INO80D: variants seen among roughly 807,000 people sequenced by gnomAD.
INO80D encodes the protein INO80 complex subunit D.
Under a neutral mutation model 87.6 loss-of-function variants are expected in INO80D, and 21 were observed. The observed-to-expected ratio is 0.24, with a 90% CI of 0.17 to 0.35. The LOEUF (loss-of-function observed/expected upper bound fraction) is 0.35, where lower values mean the gene tolerates loss of function less well. Ranked by LOEUF, INO80D falls within the 10% of genes least tolerant of loss-of-function variation. The pLI, the probability that INO80D is intolerant of heterozygous loss-of-function variation, is 1.00. For synonymous variants in INO80D, 440 were observed against 491.0 expected (o/e 0.90, Z 1.37); for missense variants, 982 against 1,280.7 (o/e 0.77, Z 3.56).
At chr2:206,070,537 G>A (rs956415951) in intron 1 of INO80D, among the ~76,000 whole-genome samples, 2 of 151,992 alleles carry the variant, frequency 1.3e-5, no homozygotes, top group Non-Finnish European at 2.9e-5. Context: ...TGACTAACAC[G>A]GTGAAACCCT....
chr2:206,049,949 T>C (rs1689305320), intron 4 of INO80D, among the ~76,000 whole-genome samples: 1 of 151,554 alleles, frequency 6.6e-6, no homozygotes, highest in South Asian at 2.1e-4. Flanking sequence ...CTGGCCAACG[T>C]GGTGAAACCC....
intron 1 of INO80D, among the ~76,000 whole-genome samples, chr2:206,082,246 C>T (rs1336043018): frequency 6.6e-6 from 1 of 152,174 alleles, no homozygotes; most frequent in East Asian, 1.9e-4. Context: ...TCTCGAACTC[C>T]GGACCTCAGG....
Position 205,998,246 on chromosome 2 carries a change from T to G in INO80D, c.*6122A>C, listed in dbSNP as rs2105783863. ...CCCTGTAACTAAGCTTCTAGCCATC[T>G]TAAGTGTAAACCACAGATCATTTAC... On this transcript the variant is annotated 3_prime_UTR_variant, in exon 11 of 11. Coordinates refer to ENST00000403263, the MANE Select transcript of INO80D (RefSeq NM_017759.5). The G allele has an allele frequency of 6.6e-6, 1 of 152,306 alleles. No homozygotes were observed. Among genetic ancestry groups the G allele is most frequent in the African/African-American group, 2.4e-5 (1 of 41,578 alleles). 9.4% of individuals were successfully genotyped at this position (152,306 alleles called of 1,614,324 possible).
At position 206,002,142 on chromosome 2, in the gene INO80D, G is replaced by A. The variant is rs1687918227; in HGVS notation, c.*2226C>T. 1 of 152,132 alleles carries A rather than the reference G, an allele frequency of 6.6e-6. No homozygotes were observed. Among genetic ancestry groups the A allele is most frequent in the Non-Finnish European group, 1.5e-5 (1 of 68,034 alleles). 9.4% of individuals were successfully genotyped at this position (152,132 alleles called of 1,614,324 possible). ...TGCGACAACCTTTAAATACACAATG[G>A]AGACTAAACTGAACTGCTGGGAATG... On this transcript the variant is annotated 3_prime_UTR_variant, in exon 11 of 11. Transcript: ENST00000403263.
In INO80D at chr2:206,004,738, T is replaced by C. The variant is rs1687977608; in HGVS notation, c.2714A>G (p.Asn905Ser). 6.2e-7 allele frequency: 1 copy of C among 1,613,206 alleles called. No homozygotes were observed. Among genetic ancestry groups the C allele is most frequent in the Admixed American group, 1.7e-5 (1 of 59,950 alleles). The change falls in exon 11 of 11, where the codon AAC (asparagine) becomes AGC (serine). Residue 905 changes from asparagine to serine, a missense_variant. Physicochemically the swap from Asn to Ser is conservative, Grantham distance 46. Transcript: ENST00000403263. The surrounding 1 kb of genome is among the most constrained non-coding windows in gnomAD (Gnocchi z 4.9). ...VNLGDPSPFS[N>S]LLGADGHLLS... The stretch of plus-strand genomic sequence containing the variant: ...AAGATGTCCATCTGCGCCGAGAAGG[T>C]TGCTAAATGGAGAGGGGTCTCCAAG...
At chr2:206,041,268 T>C (rs1179797919) in intron 5 of INO80D, among the ~76,000 whole-genome samples, 1 of 152,158 alleles carries the variant, frequency 6.6e-6, no homozygotes, top group East Asian at 1.9e-4. Context: ...AAAGCAGAGA[T>C]TGTCAGAAGA....
At position 206,005,450 on chromosome 2, in the gene INO80D, G is replaced by A. The variant is rs1687999726; in HGVS notation, c.2002C>T (p.Leu668=). The A allele has an allele frequency of 1.2e-6, 2 of 1,613,818 alleles. No individual in the cohort carries two copies. Among genetic ancestry groups the A allele is most frequent in the Non-Finnish European group, 1.7e-6 (2 of 1,179,890 alleles). ...ALQAVTSLEC[L]STIGVLAQSD... is the part of the protein sequence containing the mutation. The stretch of plus-strand genomic sequence containing the variant: ...TGGGCAAGGACCCCAATGGTACTCA[G>A]GCACTCGAGAGAAGTTACAGCCTGC... The change falls in exon 11 of 11, where the codon CTG becomes TTG. Residue 668 remains leucine (L), a synonymous_variant. Coordinates refer to ENST00000403263, the MANE Select transcript of INO80D (RefSeq NM_017759.5).
In INO80D at chr2:206,042,656, G is replaced by C. The variant is rs569626395; in HGVS notation, c.1073+3848C>G. ...AAATCGTGCCATTGCACTCCAGCTT[G>C]TACGACAGAGCGAGACTTTGTCTCA... On this transcript the variant is annotated intron_variant, in intron 5 of 10. Coordinates refer to ENST00000403263, the MANE Select transcript of INO80D (RefSeq NM_017759.5). Among the ~76,000 whole-genome samples the C allele has an allele frequency of 7.0e-5, 10 of 142,958 alleles. No homozygotes were observed. In the East Asian group the frequency reaches 2.1e-3, roughly 31 times the overall value. The allele number at this position is 142,958 out of a possible 152,430, so 93.8% of individuals were successfully genotyped here. A position where few individuals can be genotyped will look rare whatever the true frequency, so the allele number is the denominator to read the frequency against.
In INO80D at chr2:206,032,836, C is replaced by T. The variant is rs555970565; in HGVS notation, c.1074-4501G>A. Reference sequence around the variant, plus strand: ...CTAAAAGGAGCTCTAAATCTTGAAACAAATCCAGGAAACACATCAAAACAG... The same window carrying T: ...CTAAAAGGAGCTCTAAATCTTGAAATAAATCCAGGAAACACATCAAAACAG... On this transcript the variant is annotated intron_variant, in intron 5 of 10. Coordinates refer to ENST00000403263, the MANE Select transcript of INO80D (RefSeq NM_017759.5). 2.6e-5 allele frequency among the ~76,000 whole-genome samples: 4 copies of T among 152,088 alleles called. 1 individual carries two copies. Among genetic ancestry groups the T allele is most frequent in the Admixed American group, 2.6e-4 (4 of 15,274 alleles).
intron 5 of INO80D, among the ~76,000 whole-genome samples, chr2:206,045,670 T>C (rs904389136): frequency 3.9e-5 from 6 of 152,044 alleles, no homozygotes; most frequent in Admixed American, 2.0e-4. Context: ...CCCGACAGCT[T>C]TCCAATAAGG....
chr2:206,065,267 G>A (rs185155349), intron 1 of INO80D, among the ~76,000 whole-genome samples: 299 of 152,118 alleles, frequency 2.0e-3, no homozygotes, highest in African/African-American at 6.7e-3. Context: ...TCAGGAGCTC[G>A]AGACCAGCCT....
chr2:206,069,492 T>C (rs1395325509), intron 1 of INO80D, among the ~76,000 whole-genome samples: 1 of 152,162 alleles, frequency 6.6e-6, no homozygotes, highest in Non-Finnish European at 1.5e-5. Context: ...ATGCCTGTAA[T>C]CCTAGCACTC....
intron 4 of INO80D, among the ~76,000 whole-genome samples, chr2:206,055,416 A>C (rs1202945725): frequency 6.6e-6 from 1 of 152,226 alleles, no homozygotes; most frequent in African/African-American, 2.4e-5. Flanking sequence ...GTATTTTCTC[A>C]CTCTTAAATC....
intron 3 of INO80D, among the ~76,000 whole-genome samples, chr2:206,061,021 C>CT (rs201127030): frequency 0.02 from 2,973 of 151,222 alleles, 90 homozygotes; most frequent in African/African-American, 0.067. Flanking sequence ...GAATTCTTGC[C>CT]TTTTTTTTTA....
chr2:206,054,182 TC>T lies in INO80D; in HGVS notation c.964+2015del, dbSNP rs1689452592. ...TAGCTATATAATATTTCTTTTCTTT[TC>T]TTTTTTTTTTTTTTATACAATAGAG... On this transcript the variant is annotated intron_variant, in intron 4 of 10. Transcript: ENST00000403263. Among the ~76,000 whole-genome samples, 2 of 150,146 alleles carry T rather than the reference TC, an allele frequency of 1.3e-5. 1 individual carries two copies. Among genetic ancestry groups the T allele is most frequent in the Admixed American group, 1.3e-4 (2 of 15,024 alleles).
At position 206,077,072 on chromosome 2, in the gene INO80D, G is replaced by A. The variant is rs546836884; in HGVS notation, c.-124+8829C>T. Among the ~76,000 whole-genome samples the A allele has an allele frequency of 2.4e-3, 368 of 152,218 alleles. 4 individuals are homozygous for A. The highest frequency in any genetic ancestry group is 8.1e-3 in the African/African-American group (338 of 41,532). On this transcript the variant is annotated intron_variant, in intron 1 of 10. Coordinates refer to ENST00000403263, the MANE Select transcript of INO80D (RefSeq NM_017759.5). ...GTGGATCACGAGGTCAGGAGATCGAGACCATCCTGGCTAACATGGTGAAAC... is the reference window on the plus strand; with the variant it reads ...GTGGATCACGAGGTCAGGAGATCGAAACCATCCTGGCTAACATGGTGAAAC...
intron 1 of INO80D, among the ~76,000 whole-genome samples, chr2:206,080,201 A>T (rs141281305): frequency 6.8e-4 from 104 of 152,360 alleles, no homozygotes; most frequent in Non-Finnish European, 8.8e-4. Context: ...ATGAACCAGC[A>T]GCTGCTCCTA....
intron 6 of INO80D, among the ~76,000 whole-genome samples, chr2:206,025,348 C>T (rs1425966629): frequency 1.3e-5 from 2 of 150,414 alleles, no homozygotes; most frequent in Non-Finnish European, 3.0e-5. Flanking sequence ...GCCAACATGG[C>T]GAAACTCCAT....
At chr2:206,079,175 C>A (rs937710895) in intron 1 of INO80D, among the ~76,000 whole-genome samples, 3 of 151,940 alleles carry the variant, frequency 2.0e-5, no homozygotes, top group African/African-American at 7.3e-5. Flanking sequence ...TGAGTTCAAG[C>A]GATCCTCTCA....
Sources: allele counts gnomAD v4.1 joint callset (sites outside exome capture counted in the v4.1 genomes callset), GRCh38; gene constraint gnomAD v4.1.1; non-coding constraint Gnocchi (gnomAD v3.1); transcripts MANE v1.5; gene names NCBI Gene and HGNC (gene_info 2026-07-23, HGNC 2026-07-21).